The following MME variants were observed in gnomAD, a reference collection of about 807,000 sequenced individuals.
The protein encoded by MME is membrane metalloendopeptidase.
A neutral mutation model predicts 113.2 loss-of-function variants in MME; 98 were observed. That is an observed-to-expected ratio of 0.87 (90% confidence interval 0.74 to 1.02). MME has a LOEUF of 1.02. Among genes scored for constraint, MME ranks in the 50% least tolerant of loss-of-function variants. The pLI, the probability that MME is intolerant of heterozygous loss-of-function variation, is 0.00. For synonymous variants in MME, 292 were observed against 300.6 expected, an observed-to-expected ratio of 0.97 and a Z score of 0.30; for missense variants, 836 against 896.0, an observed-to-expected ratio of 0.93 and a Z score of 0.86.
At chr3:155,058,137 C>G (rs1430772941) in intron 1 of MME, among the ~76,000 whole-genome samples, 1 of 151,936 alleles carries the variant, frequency 6.6e-6, no homozygotes, top group African/African-American at 2.4e-5. Context: ...TTGTATTAAC[C>G]CCTGTAAATA....
At chr3:155,172,847 G>A (rs947978913) in intron 22 of MME, among the ~76,000 whole-genome samples, 1 of 151,680 alleles carries the variant, frequency 6.6e-6, no homozygotes. Context: ...TAGAATCTAC[G>A]AGGCTCAGGG....
rs1413979581 is a variant in MME, at chr3:155,124,662, G to A, written c.720+5851G>A. On this transcript the variant is annotated intron_variant, in intron 8 of 22. Coordinates refer to ENST00000360490, the MANE Select transcript of MME (RefSeq NM_007289.4). Reference sequence around the variant, plus strand: ...AGACAGGACCCTCAGCTGCAGGTCTGTTGGAATACCCTGCCGTGTGAGGTG... The same window carrying A: ...AGACAGGACCCTCAGCTGCAGGTCTATTGGAATACCCTGCCGTGTGAGGTG... Among the ~76,000 whole-genome samples, 35 of 151,702 alleles carry A rather than the reference G, an allele frequency of 2.3e-4. No homozygotes were observed. The South Asian group carries it at 2.7e-3, about 12-fold the overall frequency.
rs1712031461 is a variant in MME at position 155,172,105 on chromosome 3, T to C, written c.1981-12T>C. On this transcript the variant is annotated splice_polypyrimidine_tract_variant and intron_variant, in intron 20 of 22. Transcript: ENST00000360490. ...TTAATATTATTGTTTTTCTATTTTATCAACTGCCTAGGCCTATCAGAATTA... is the reference window on the plus strand; with the variant it reads ...TTAATATTATTGTTTTTCTATTTTACCAACTGCCTAGGCCTATCAGAATTA... 4 of 1,483,548 alleles carry C rather than the reference T, an allele frequency of 2.7e-6. No individual in the cohort carries two copies. Among genetic ancestry groups the C allele is most frequent in the Non-Finnish European group, 3.8e-6 (4 of 1,062,106 alleles). The allele number at this position is 1,483,548 out of a possible 1,614,324, so 91.9% of individuals were successfully genotyped here.
intron 3 of MME, among the ~76,000 whole-genome samples, chr3:155,087,229 T>G (rs1398394149): frequency 6.6e-6 from 1 of 150,442 alleles, no homozygotes; most frequent in Non-Finnish European, 1.5e-5. Context: ...TAGTCTAATA[T>G]CCTGAATCTG....
chr3:155,076,319 G>A (rs1714748316), upstream of MME, among the ~76,000 whole-genome samples: 2 of 152,186 alleles, frequency 1.3e-5, no homozygotes, highest in Admixed American at 6.5e-5. Context: ...TTGGGGCTGA[G>A]TTTCATTTTT....
chr3:155,149,203 A>G (rs1721744185), intron 16 of MME, among the ~76,000 whole-genome samples: 1 of 152,186 alleles, frequency 6.6e-6, no homozygotes, highest in African/African-American at 2.4e-5. Flanking sequence ...ATTTCCTAAT[A>G]ACTATTAGTT....
intron 3 of MME, among the ~76,000 whole-genome samples, chr3:155,088,262 C>T (rs1715944625): frequency 6.6e-6 from 1 of 151,838 alleles, no homozygotes; most frequent in African/African-American, 2.4e-5. Context: ...ATCTTTTCTG[C>T]CACAGAAAAA....
At chr3:155,066,662 G>A (rs974400821) in intron 1 of MME, among the ~76,000 whole-genome samples, 3 of 152,046 alleles carry the variant, frequency 2.0e-5, no homozygotes, top group Admixed American at 1.3e-4. Flanking sequence ...TAAAATACAT[G>A]GTGTAATGAC....
chr3:155,137,335 A>G (rs1430828406), intron 8 of MME, among the ~76,000 whole-genome samples: 1 of 152,210 alleles, frequency 6.6e-6, no homozygotes, highest in Non-Finnish European at 1.5e-5. Flanking sequence ...AAGAAGTGTG[A>G]TTATATTATA....
intron 17 of MME, among the ~76,000 whole-genome samples, chr3:155,162,518 TA>T (rs977699871): frequency 6.6e-6 from 1 of 152,086 alleles, no homozygotes; most frequent in Non-Finnish European, 1.5e-5. Context: ...CCAAGATCCT[TA>T]AAATAAGGAT....
intron 8 of MME, among the ~76,000 whole-genome samples, chr3:155,135,091 G>C (rs972076715): frequency 6.6e-6 from 1 of 152,052 alleles, no homozygotes; most frequent in Non-Finnish European, 1.5e-5. Context: ...TAGGTTGTCT[G>C]TTTACTATGT....
At chr3:155,137,220 G>A (rs1720702334) in intron 8 of MME, among the ~76,000 whole-genome samples, 1 of 152,106 alleles carries the variant, frequency 6.6e-6, no homozygotes. Flanking sequence ...ACAGTAACAG[G>A]AGCTATTTAT....
At chr3:155,161,259 T>G (rs559844161) in intron 17 of MME, among the ~76,000 whole-genome samples, 28 of 152,210 alleles carry the variant, frequency 1.8e-4, no homozygotes, top group African/African-American at 6.5e-4. Flanking sequence ...GATTCAGTAC[T>G]GCCAGAAATA....
At chr3:155,098,464 G>A (rs1716926481) in intron 3 of MME, among the ~76,000 whole-genome samples, 1 of 151,918 alleles carries the variant, frequency 6.6e-6, no homozygotes, top group South Asian at 2.1e-4. Flanking sequence ...GCTGAGGCAG[G>A]AGTATCACTT....
chr3:155,125,950 G>T (rs1408481098), intron 8 of MME, among the ~76,000 whole-genome samples: 3 of 152,122 alleles, frequency 2.0e-5, no homozygotes, highest in Non-Finnish European at 4.4e-5. Context: ...TTACATTTTA[G>T]TTAAAATTAC....
In MME at chr3:155,148,547, C is replaced by T. The variant is rs1417837337; in HGVS notation, c.1498-3C>T. On this transcript the variant is annotated splice_region_variant and splice_polypyrimidine_tract_variant and intron_variant, in intron 15 of 22. Transcript: ENST00000360490. ...TTCTTCCCAAATCTTCTTTATAATA[C>T]AGTTGAACTACAAAGAAGATGAATA... 1 of 1,579,436 alleles carries T rather than the reference C, an allele frequency of 6.3e-7. No individual in the cohort carries two copies. Among genetic ancestry groups the T allele is most frequent in the East Asian group, 2.2e-5 (1 of 44,562 alleles).
chr3:155,155,669 C>T (rs967890255), intron 16 of MME, among the ~76,000 whole-genome samples: 1 of 152,134 alleles, frequency 6.6e-6, no homozygotes, highest in Non-Finnish European at 1.5e-5. Context: ...TATGTAAGTA[C>T]TGAGGGTTAT....
At chr3:155,143,364 C>A in intron 12 of MME, 79 bp from the exon 13 acceptor site, 1 of 1,519,666 alleles carries the variant, frequency 6.6e-7, no homozygotes, top group Non-Finnish European at 9.1e-7. Context: ...TTAGATGAGA[C>A]ATTTGTGAAA....
Position 155,180,504 on chromosome 3 carries a change from C to T in MME, c.*45C>T, listed in dbSNP as rs1390968473. The T allele has an allele frequency of 7.0e-7, 1 of 1,431,182 alleles. No individual in the cohort carries two copies. Among genetic ancestry groups the T allele is most frequent in the Non-Finnish European group, 9.9e-7 (1 of 1,013,856 alleles). The allele number at this position is 1,431,182 out of a possible 1,614,324, so 88.7% of individuals were successfully genotyped here. ...AGCCCTTGGCTAGACTTGCCAACAC[C>T]ACAGAAATGGGGAATTCTCTAATCG... On this transcript the variant is annotated 3_prime_UTR_variant, in exon 23 of 23. Transcript: ENST00000360490.
Sources: gnomAD v4.1 joint callset for allele counts (sites outside exome capture counted in the v4.1 genomes callset) on GRCh38, gnomAD v4.1.1 for gene constraint, MANE v1.5 for transcripts, NCBI Gene and HGNC (gene_info 2026-07-23, HGNC 2026-07-21) for gene names.